SPATA1: variants seen among roughly 807,000 people sequenced by gnomAD.
The protein encoded by SPATA1 is spermatogenesis-associated protein 1.
SPATA1 carries 57 observed loss-of-function variants against 59.6 expected under a neutral mutation model. The ratio of observed to expected loss-of-function variants is 0.96; its 90% CI spans 0.77 to 1.19. The LOEUF is 1.19. Among genes scored for constraint, SPATA1 ranks in the 50% most tolerant of loss-of-function variants. SPATA1 has a pLI of 0.00. For synonymous variants in SPATA1, 147 were observed against 163.9 expected (o/e 0.90, Z 0.79); for missense variants, 448 against 480.7 (o/e 0.93, Z 0.64).
intron 12 of SPATA1, chr1:84,550,890 T>G: frequency 3.1e-6 from 3 of 981,802 alleles, no homozygotes; most frequent in Non-Finnish European, 3.6e-6. Context: ...TGACATTTAA[T>G]TTTTTATGGG....
At position 84,520,584 on chromosome 1, in the gene SPATA1, G is replaced by T; in HGVS notation, c.37-1G>T. 1 of 1,513,520 alleles carries T rather than the reference G, an allele frequency of 6.6e-7. No individual in the cohort carries two copies. The highest frequency in any genetic ancestry group is 8.9e-7 in the Non-Finnish European group (1 of 1,125,844). 93.8% of individuals were successfully genotyped at this position (1,513,520 alleles called of 1,614,324 possible). ...ACCGATGTTCTTCTCAATTTATTCA[G>T]TTGGTGGAACTTCATGTTTTTTATG... On this transcript the variant is annotated splice_acceptor_variant, in intron 2 of 12. Transcript: ENST00000490879. LOFTEE classifies it high-confidence loss of function.
intron 6 of SPATA1, among the ~76,000 whole-genome samples, chr1:84,530,584 A>G (rs1390629412): frequency 1.1e-4 from 17 of 152,222 alleles, no homozygotes; most frequent in Admixed American, 9.8e-4. Flanking sequence ...TGGAAAATAG[A>G]CTTAGGGACT....
chr1:84,528,891 G>GA (rs1424959031), intron 6 of SPATA1, among the ~76,000 whole-genome samples: 2 of 151,864 alleles, frequency 1.3e-5, no homozygotes, highest in Admixed American at 6.6e-5. Flanking sequence ...CCACATTTTG[G>GA]AAAAAATAAA....
chr1:84,536,450 T>A (rs1683685153), intron 8 of SPATA1, among the ~76,000 whole-genome samples: 1 of 152,182 alleles, frequency 6.6e-6, no homozygotes, highest in South Asian at 2.1e-4. Context: ...TATATCCACT[T>A]TTTTTTCTTT....
rs536205798 is a variant in SPATA1 at position 84,565,784 on chromosome 1, T to C, written n.443-77T>C. Reference sequence around the variant, plus strand: ...AGAAATACTAAAAACATCTTAATATTTTAATTTATAGAATATTATTAATAT... The same window carrying C: ...AGAAATACTAAAAACATCTTAATATCTTAATTTATAGAATATTATTAATAT... On this transcript the variant is annotated intron_variant and non_coding_transcript_variant, in intron 4 of 4. Coordinates refer to the SPATA1 transcript ENST00000460286. 3.6e-5 allele frequency: 35 copies of C among 984,470 alleles called. No individual in the cohort carries two copies. In the South Asian group the frequency reaches 1.1e-3, roughly 31 times the overall value. The allele number at this position is 984,470 out of a possible 1,614,324, so 61.0% of individuals were successfully genotyped here. A position where few individuals can be genotyped will look rare whatever the true frequency, so the allele number is the denominator to read the frequency against.
chr1:84,513,502 G>A (rs1682663569), intron 1 of SPATA1, among the ~76,000 whole-genome samples: 1 of 152,238 alleles, frequency 6.6e-6, no homozygotes, highest in Non-Finnish European at 1.5e-5. Context: ...GTTAGCACAA[G>A]CAATGAGGAG....
At chr1:84,518,247 C>T (rs972752309) in intron 2 of SPATA1, among the ~76,000 whole-genome samples, 1 of 152,038 alleles carries the variant, frequency 6.6e-6, no homozygotes, top group African/African-American at 2.4e-5. Context: ...TTGTGTGATC[C>T]TTGTTTGAAT....
At chr1:84,560,024 C>T (rs1194118597) in intron 4 of SPATA1, among the ~76,000 whole-genome samples, 1 of 140,558 alleles carries the variant, frequency 7.1e-6, no homozygotes. Flanking sequence ...GCAGAGGGTG[C>T]AGTGAACCCA....
chr1:84,507,843 GA>G (rs1682339972), intron 1 of SPATA1, among the ~76,000 whole-genome samples: 1 of 131,190 alleles, frequency 7.6e-6, no homozygotes, highest in Non-Finnish European at 1.6e-5. Flanking sequence ...GTTTTAGGCC[GA>G]AACAGTTTCA....
downstream of SPATA1, chr1:84,555,020 C>CT (rs763997358): frequency 1.9e-6 from 3 of 1,613,870 alleles, no homozygotes; most frequent in Non-Finnish European, 1.7e-6. Flanking sequence ...ACAGCTTTGG[C>CT]TTTAAGACTT....
intron 1 of SPATA1, chr1:84,507,194 A>T (rs1251461821): frequency 6.6e-6 from 1 of 152,194 alleles, no homozygotes; most frequent in Non-Finnish European, 1.5e-5. Context: ...CTTTTCGGGT[A>T]GTCAATCTCC....
chr1:84,554,650 T>C (rs533330076), downstream of SPATA1: 1 of 180,604 alleles, frequency 5.5e-6, no homozygotes, highest in South Asian at 1.2e-4. Context: ...CTTCAGATTA[T>C]ACATATTTTA....
chr1:84,511,208 C>T (rs1017097472), intron 1 of SPATA1, among the ~76,000 whole-genome samples: 5 of 152,116 alleles, frequency 3.3e-5, no homozygotes, highest in Non-Finnish European at 7.4e-5. Context: ...ACCCTATTTA[C>T]CCTGATGTGC....
intron 12 of SPATA1, chr1:84,552,962 TTACA>T (rs1410326268): frequency 4.9e-6 from 5 of 1,027,548 alleles, no homozygotes; most frequent in Non-Finnish European, 7.0e-6. Flanking sequence ...AAAACCCTGT[TTACA>T]TGACAACTAT....
intron 1 of SPATA1, among the ~76,000 whole-genome samples, chr1:84,508,688 T>C (rs1279349622): frequency 6.6e-6 from 1 of 152,268 alleles, no homozygotes; most frequent in Non-Finnish European, 1.5e-5. Flanking sequence ...AGTCACATGC[T>C]GTACTTTGTA....
rs566292513 is a variant in SPATA1 at position 84,532,156 on chromosome 1, G to T, written c.545-704G>T. On this transcript the variant is annotated intron_variant, in intron 6 of 12. Coordinates refer to ENST00000490879, the Ensembl canonical transcript of SPATA1. ...TTTATACCAGCATTTTCCAGAGAAGGTTCCTCAGAGCACTGTTTCAAAAAC... is the reference window on the plus strand; with the variant it reads ...TTTATACCAGCATTTTCCAGAGAAGTTTCCTCAGAGCACTGTTTCAAAAAC... Among the ~76,000 whole-genome samples, 286 of 152,288 alleles carry T rather than the reference G, an allele frequency of 1.9e-3. 4 individuals carry two copies. Among genetic ancestry groups the T allele is most frequent in the African/African-American group, 6.5e-3 (271 of 41,572 alleles).
chr1:84,516,552 C>T (rs774627284), intron 2 of SPATA1, among the ~76,000 whole-genome samples, 157 bp downstream of exon 2: 3 of 152,204 alleles, frequency 2.0e-5, no homozygotes, highest in Admixed American at 6.5e-5. Flanking sequence ...TTACACTTCT[C>T]GTGTCTCTAG....
intron 6 of SPATA1, 195 bp downstream of exon 6, chr1:84,526,268 T>C (rs1434187601): frequency 1.1e-5 from 5 of 471,226 alleles, no homozygotes; most frequent in Non-Finnish European, 1.9e-5. Flanking sequence ...TTAAGTACTA[T>C]GTTAAAATAA....
intron 4 of SPATA1, 73 bp from the exon 5 acceptor site, chr1:84,525,623 A>C: frequency 7.4e-7 from 1 of 1,353,726 alleles, no homozygotes. Context: ...CCTTCTGCAA[A>C]AAAAGTAGAG....
Sources: allele counts gnomAD v4.1 joint callset (sites outside exome capture counted in the v4.1 genomes callset), GRCh38; gene constraint gnomAD v4.1.1; transcripts MANE v1.5; gene names NCBI Gene and HGNC (gene_info 2026-07-23, HGNC 2026-07-21).